The following NUP54 variants were observed in gnomAD, a reference collection of about 807,000 sequenced individuals.
NUP54 encodes the protein nucleoporin 54.
NUP54 carries 27 observed loss-of-function variants against 66.4 expected under a neutral mutation model. That is an observed-to-expected ratio of 0.41 (90% CI 0.30 to 0.56). NUP54 has a LOEUF of 0.56. Among genes scored for constraint, NUP54 ranks in the 20% least tolerant of loss-of-function variants. The pLI is 0.34. For missense variants in NUP54, 486 were observed against 596.3 expected, an observed-to-expected ratio of 0.82 and a Z score of 1.93; for synonymous variants, 206 against 210.7, an observed-to-expected ratio of 0.98 and a Z score of 0.19.
At chr4:76,119,293 T>C (rs1417756453) in intron 9 of NUP54, among the ~76,000 whole-genome samples, 1 of 152,136 alleles carries the variant, frequency 6.6e-6, no homozygotes, top group African/African-American at 2.4e-5. Flanking sequence ...CCTTTCTCCT[T>C]GCTCATCATA....
chr4:76,145,777 A>G, intron 1 of NUP54: 1 of 276,462 alleles, frequency 3.6e-6, no homozygotes, highest in Admixed American at 5.5e-5. Context: ...TATTTCTGGT[A>G]TACAACACAG....
intron 3 of NUP54, among the ~76,000 whole-genome samples, chr4:76,142,731 G>C (rs1456151489): frequency 6.6e-6 from 1 of 152,110 alleles, no homozygotes; most frequent in Non-Finnish European, 1.5e-5. Flanking sequence ...TGTCTCAAAG[G>C]GACTTGGGAG....
At chr4:76,124,080 C>T (rs756397075) in intron 9 of NUP54, among the ~76,000 whole-genome samples, 2 of 151,978 alleles carry the variant, frequency 1.3e-5, no homozygotes, top group Non-Finnish European at 2.9e-5. Flanking sequence ...AACATGAGTA[C>T]TAAGTTCCTT....
chr4:76,126,919 G>C (rs1730560596), intron 8 of NUP54, among the ~76,000 whole-genome samples: 1 of 151,838 alleles, frequency 6.6e-6, no homozygotes, highest in African/African-American at 2.4e-5. Context: ...AGAAAACTTT[G>C]AAAAGAAGAA....
rs1029066000 is a variant in NUP54 at position 76,130,109 on chromosome 4, T to C, written c.1056+547A>G. 3.3e-5 allele frequency among the ~76,000 whole-genome samples: 5 copies of C among 150,090 alleles called. No individual in the cohort carries two copies. The East Asian group carries it at 1.0e-3, about 30-fold the overall frequency. ...AATTCTCATGCCTCAGCCTCCCAAG[T>C]TGCTGGCATTACAGGCGTGCACCAC... On this transcript the variant is annotated intron_variant, in intron 8 of 11. Transcript: ENST00000264883.
chr4:76,147,344 T>A (rs191660899), intron 1 of NUP54: 2 of 515,958 alleles, frequency 3.9e-6, no homozygotes. Flanking sequence ...ATACAGATGT[T>A]TTTGATTCGA....
intron 3 of NUP54, among the ~76,000 whole-genome samples, chr4:76,142,604 T>C (rs1731310579): frequency 6.6e-6 from 1 of 152,214 alleles, no homozygotes; most frequent in South Asian, 2.1e-4. Context: ...AAAAGTATTA[T>C]TTCACAGGGT....
chr4:76,144,130 C>A lies in NUP54; in HGVS notation c.295+19G>T, dbSNP rs758822248. 4.3e-6 allele frequency: 7 copies of A among 1,612,922 alleles called. No homozygotes were observed. The highest frequency in any genetic ancestry group is 3.3e-5 in the Admixed American group (2 of 59,848). On this transcript the variant is annotated intron_variant, in intron 3 of 11. Transcript: ENST00000264883. ...TATCATCACGGTTTTGTATTTGAAG[C>A]TGAAAACCTCATACTTACTAGTTTG...
intron 5 of NUP54, 84 bp downstream of exon 5, chr4:76,134,091 T>C: frequency 6.5e-6 from 6 of 918,496 alleles, no homozygotes; most frequent in Non-Finnish European, 9.7e-6. Context: ...TAATTTGTGC[T>C]TTAGCAACAA....
rs748856296 is a variant in NUP54, at chr4:76,144,451, T to C, written c.90A>G (p.Thr30=). Residue 30 remains threonine (T), a synonymous_variant, in exon 2 of 12, where the codon ACA becomes ACG. Transcript: ENST00000264883. ...APAGGFGGFG[T]TSTTAGSAFS... Reference sequence around the variant, plus strand: ...ATGCAGAACCTGCAGTTGTAGATGTTGTCCCAAATCCTCCAAACCCACCTA... The same window carrying C: ...ATGCAGAACCTGCAGTTGTAGATGTCGTCCCAAATCCTCCAAACCCACCTA... 1 of 1,606,072 alleles carries C rather than the reference T, an allele frequency of 6.2e-7. No individual in the cohort carries two copies. The highest frequency in any genetic ancestry group is 1.7e-5 in the Admixed American group (1 of 58,354).
In NUP54 at chr4:76,115,459, C is replaced by T. The variant is rs1729910172; in HGVS notation, c.1431G>A (p.Leu477=). 6.2e-7 allele frequency: 1 copy of T among 1,610,896 alleles called. No homozygotes were observed. The highest frequency in any genetic ancestry group is 1.1e-5 in the South Asian group (1 of 90,356). Residue 477 remains leucine (L), a synonymous_variant, in exon 12 of 12, where the codon TTG becomes TTA. Transcript: ENST00000264883. ...LKQQQEGLSH[L]ISIIKDDLED... ...CTAGATCGTCTTTAATGATGCTAAT[C>T]AAATGGCTAAGGCCTTCCTGTTGTT...
chr4:76,117,774 C>T lies in NUP54; in HGVS notation c.1285G>A (p.Gly429Ser). ...TGAGACATCAATTCATTTAGTCGGCCCTAAAAGTTAAGACTGAGTCAAATT... is the reference window on the plus strand; with the variant it reads ...TGAGACATCAATTCATTTAGTCGGCTCTAAAAGTTAAGACTGAGTCAAATT... ...GELNAPTQFK[G>S]RLNELMSQIR... is the part of the protein sequence containing the mutation. Residue 429 changes from glycine (G) to serine (S), a missense_variant and splice_region_variant, in exon 11 of 12, where the codon GGC becomes AGC. Coordinates refer to ENST00000264883, the MANE Select transcript of NUP54 (RefSeq NM_017426.4). The T allele has an allele frequency of 6.2e-7, 1 of 1,612,126 alleles. No individual in the cohort carries two copies. Among genetic ancestry groups the T allele is most frequent in the South Asian group, 1.1e-5 (1 of 90,948 alleles).
chr4:76,124,141 T>C (rs1007308556), intron 9 of NUP54, among the ~76,000 whole-genome samples: 1 of 152,178 alleles, frequency 6.6e-6, no homozygotes, highest in African/African-American at 2.4e-5. Flanking sequence ...GGCTGTAAGT[T>C]TTCCTCTGAG....
chr4:76,118,248 AAGTAGTAGTAGTACAATT>A (rs1730044947), intron 9 of NUP54, 54 bp from the exon 10 acceptor site: 2 of 1,498,442 alleles, frequency 1.3e-6, no homozygotes, highest in African/African-American at 2.8e-5. Context: ...TTAGTTATGC[AAGTAGTAGTAGTACAATT>A]AGTTACTGAA....
chr4:76,119,266 ATGTTTAT>A (rs1391630445), intron 9 of NUP54, among the ~76,000 whole-genome samples: 1 of 152,166 alleles, frequency 6.6e-6, no homozygotes, highest in Non-Finnish European at 1.5e-5. Context: ...GTGCTAACTG[ATGTTTAT>A]TCCCCTGTAC....
chr4:76,116,696 T>C (rs565076397), intron 11 of NUP54, among the ~76,000 whole-genome samples: 9 of 152,294 alleles, frequency 5.9e-5, no homozygotes, highest in African/African-American at 1.9e-4. Context: ...TCTAGAGCAG[T>C]TGCTTCTCAA....
At chr4:76,148,193 A>C in intron 1 of NUP54, 115 bp downstream of exon 1, 1 of 865,018 alleles carries the variant, frequency 1.2e-6, no homozygotes, top group Non-Finnish European at 1.6e-6. Flanking sequence ...AATGCCTCTA[A>C]AGTCTCCGCG....
intron 11 of NUP54, among the ~76,000 whole-genome samples, chr4:76,117,021 T>A (rs1578660539): frequency 6.6e-6 from 1 of 152,212 alleles, no homozygotes; most frequent in African/African-American, 2.4e-5. Flanking sequence ...ATCAACACTA[T>A]CCACTTTGTT....
At chr4:76,140,672 C>T (rs1731230703) in intron 3 of NUP54, among the ~76,000 whole-genome samples, 1 of 152,114 alleles carries the variant, frequency 6.6e-6, no homozygotes, top group African/African-American at 2.4e-5. Context: ...AAAATTACTG[C>T]TATAGAAAGC....
Sources: gnomAD v4.1 joint callset for allele counts (sites outside exome capture counted in the v4.1 genomes callset) on GRCh38, gnomAD v4.1.1 for gene constraint, MANE v1.5 for transcripts, NCBI Gene and HGNC (gene_info 2026-07-23, HGNC 2026-07-21) for gene names.